Variants in PIBF1 observed in about 807,000 individuals in gnomAD.
PIBF1 encodes the protein progesterone-induced-blocking factor 1.
A neutral mutation model predicts 112.5 loss-of-function variants in PIBF1; 90 were observed. That is an observed-to-expected ratio of 0.80 (90% CI 0.67 to 0.95). The LOEUF (loss-of-function observed/expected upper bound fraction) is 0.95. Ranked by LOEUF, PIBF1 falls within the 40% of genes least tolerant of loss-of-function variation. The pLI is 0.00. For missense variants in PIBF1, 915 were observed against 852.3 expected, an observed-to-expected ratio of 1.07 and a Z score of -0.92; for synonymous variants, 301 against 288.6, an observed-to-expected ratio of 1.04 and a Z score of -0.44.
rs113653296 is a variant in PIBF1, at chr13:72,892,785, T to TACACACACACACACACACACAC, written c.1323-996_1323-975dup. On this transcript the variant is annotated intron_variant, in intron 10 of 17. Coordinates refer to ENST00000326291, the MANE Select transcript of PIBF1 (RefSeq NM_006346.4). Reference sequence around the variant, plus strand: ...TCCCACCCCTTACCTCCTCCTGCCTTACACACACACACACACACACACACG... The same window carrying TACACACACACACACACACACAC: ...TCCCACCCCTTACCTCCTCCTGCCTTACACACACACACACACACACACACACACACACACACACACACACACG... Among the ~76,000 whole-genome samples, 60 of 140,778 alleles carry TACACACACACACACACACACAC rather than the reference T, an allele frequency of 4.3e-4. No homozygotes were observed. The Middle Eastern group carries it at 0.011, about 25-fold the overall frequency. The allele number at this position is 140,778 out of a possible 152,430, so 92.4% of individuals were successfully genotyped here. A position where few individuals can be genotyped will look rare whatever the true frequency, so the allele number is the denominator to read the frequency against.
chr13:72,884,914 G>C (rs1487644737), intron 10 of PIBF1, among the ~76,000 whole-genome samples: 1 of 152,026 alleles, frequency 6.6e-6, no homozygotes, highest in Admixed American at 6.6e-5. Context: ...TTCTTATTAT[G>C]TGATTTAGTT....
At chr13:72,992,520 A>G (rs2043512764) in intron 16 of PIBF1, among the ~76,000 whole-genome samples, 1 of 152,126 alleles carries the variant, frequency 6.6e-6, no homozygotes, top group Non-Finnish European at 1.5e-5. Context: ...GATTGTACTC[A>G]ATGGTGTCAT....
At position 72,995,324 on chromosome 13, in the gene PIBF1, T is replaced by C. The variant is rs918142749; in HGVS notation, c.2050-3498T>C. The stretch of plus-strand genomic sequence containing the variant: ...TCAAAAAAAAAAAAAAAAAGTTCTT[T>C]CTAATTTTGTTTTCCCTTCAGCATG... On this transcript the variant is annotated intron_variant, in intron 16 of 17. Coordinates refer to ENST00000326291, the MANE Select transcript of PIBF1 (RefSeq NM_006346.4). 2.0e-5 allele frequency among the ~76,000 whole-genome samples: 3 copies of C among 151,790 alleles called. No homozygotes were observed. The South Asian group carries it at 6.2e-4, about 32-fold the overall frequency.
chr13:72,908,873 A>T (rs2040799671), intron 12 of PIBF1, among the ~76,000 whole-genome samples, 192 bp downstream of exon 12: 1 of 151,616 alleles, frequency 6.6e-6, no homozygotes, highest in Admixed American at 6.6e-5. Context: ...ACGTGACAAA[A>T]CCCCATCTCT....
At chr13:72,802,711 T>C (rs974978160) in intron 5 of PIBF1, among the ~76,000 whole-genome samples, 1 of 152,070 alleles carries the variant, frequency 6.6e-6, no homozygotes, top group Non-Finnish European at 1.5e-5. Context: ...CAGTCAAAGG[T>C]ATGTGGATAT....
chr13:72,989,726 C>G (rs529096329), intron 16 of PIBF1, among the ~76,000 whole-genome samples: 2 of 152,106 alleles, frequency 1.3e-5, no homozygotes, highest in East Asian at 3.8e-4. Context: ...TGTGAATATA[C>G]TAAAAACCAT....
At chr13:72,884,534 T>C (rs1255901245) in intron 10 of PIBF1, 1 of 152,058 alleles carries the variant, frequency 6.6e-6, no homozygotes, top group African/African-American at 2.4e-5. Flanking sequence ...AGAAGACATT[T>C]CTTCAAAATA....
At chr13:72,934,722 G>A (rs775573734) in intron 14 of PIBF1, among the ~76,000 whole-genome samples, 10 of 152,012 alleles carry the variant, frequency 6.6e-5, no homozygotes, top group Non-Finnish European at 1.2e-4. Flanking sequence ...CCCCTTTTTA[G>A]CAGCTTTATT....
At chr13:72,946,518 C>T (rs148250780) in intron 14 of PIBF1, among the ~76,000 whole-genome samples, 1,575 of 152,304 alleles carry the variant, frequency 0.01, 9 homozygotes, top group Non-Finnish European at 0.014. Flanking sequence ...AAAGTCTTAA[C>T]TCTTTCCAAC....
chr13:73,010,810 CTTTTTT>C (rs1176079981), intron 17 of PIBF1, among the ~76,000 whole-genome samples: 17 of 40,304 alleles, frequency 4.2e-4, no homozygotes, highest in African/African-American at 1.1e-3. Flanking sequence ...ATTAACTTTT[CTTTTTT>C]TTTTTTTTTT....
intron 13 of PIBF1, among the ~76,000 whole-genome samples, chr13:72,927,945 G>A (rs1354614392): frequency 2.5e-4 from 22 of 87,866 alleles, no homozygotes; most frequent in African/African-American, 1.1e-3. Flanking sequence ...ATATATGTGT[G>A]TATATATATA....
chr13:72,904,239 A>G (rs1169996964), intron 11 of PIBF1, among the ~76,000 whole-genome samples: 1 of 151,910 alleles, frequency 6.6e-6, no homozygotes, highest in Non-Finnish European at 1.5e-5. Context: ...AACAGAAACT[A>G]CAATGCAAAG....
At chr13:72,988,497 G>C (rs541123487) in intron 16 of PIBF1, among the ~76,000 whole-genome samples, 2 of 152,186 alleles carry the variant, frequency 1.3e-5, no homozygotes, top group East Asian at 3.9e-4. Context: ...TACAAAATCT[G>C]TTTTGTCCTT....
intron 16 of PIBF1, among the ~76,000 whole-genome samples, chr13:72,994,134 G>A (rs898106056): frequency 6.6e-6 from 1 of 151,734 alleles, no homozygotes; most frequent in Non-Finnish European, 1.5e-5. Flanking sequence ...AAAAAAAAAG[G>A]GAGAAAGGGA....
chr13:72,792,553 A>G lies in PIBF1; in HGVS notation c.353+6A>G, dbSNP rs748863640. The G allele has an allele frequency of 6.3e-6, 9 of 1,436,006 alleles. No individual in the cohort carries two copies. The highest frequency in any genetic ancestry group is 1.8e-4 in the Middle Eastern group (1 of 5,600). The allele number at this position is 1,436,006 out of a possible 1,614,324, so 89.0% of individuals were successfully genotyped here. On this transcript the variant is annotated splice_donor_region_variant and intron_variant, in intron 3 of 17. Transcript: ENST00000326291. ...TTTCAACAGAAAGATGCCAGGTAAGAAAAGTTTTTTTTAAAAAAAAAACAA... is the reference window on the plus strand; with the variant it reads ...TTTCAACAGAAAGATGCCAGGTAAGGAAAGTTTTTTTTAAAAAAAAAACAA...
At chr13:72,809,591 T>G (rs1050256153) in intron 5 of PIBF1, among the ~76,000 whole-genome samples, 14 of 115,198 alleles carry the variant, frequency 1.2e-4, no homozygotes, top group Admixed American at 3.5e-4. Flanking sequence ...TTTTTTTGGT[T>G]TTTTTTTTTT....
intron 10 of PIBF1, among the ~76,000 whole-genome samples, chr13:72,891,217 G>A (rs1302069194): frequency 3.3e-5 from 5 of 152,084 alleles, no homozygotes; most frequent in Admixed American, 2.0e-4. Context: ...TTACCTATTT[G>A]GAGTTGGCAG....
chr13:72,885,430 T>G (rs1381059478), intron 10 of PIBF1, among the ~76,000 whole-genome samples: 2 of 152,166 alleles, frequency 1.3e-5, no homozygotes, highest in Non-Finnish European at 2.9e-5. Flanking sequence ...TTTAGCATTC[T>G]AATTTTATAA....
intron 13 of PIBF1, among the ~76,000 whole-genome samples, chr13:72,927,972 TATATAC>T (rs1566458006): frequency 6.7e-4 from 49 of 72,640 alleles, no homozygotes; most frequent in Non-Finnish European, 1.3e-3. Context: ...CATATATATA[TATATAC>T]ATATATATAT....
Sources: allele counts gnomAD v4.1 joint callset (sites outside exome capture counted in the v4.1 genomes callset), GRCh38; gene constraint gnomAD v4.1.1; transcripts MANE v1.5; gene names NCBI Gene and HGNC (gene_info 2026-07-23, HGNC 2026-07-21).